Variants in H2AZ2 observed in about 807,000 individuals in gnomAD.
The protein encoded by H2AZ2 is histone H2A.V.
A neutral mutation model predicts 15.5 loss-of-function variants in H2AZ2; 5 were observed. The ratio of observed to expected loss-of-function variants is 0.32; its 90% CI spans 0.17 to 0.68. H2AZ2 has a LOEUF of 0.68. Among genes scored for constraint, H2AZ2 ranks in the 30% least tolerant of loss-of-function variants. The pLI is 0.72. For missense variants in H2AZ2, 42 were observed against 162.5 expected (o/e 0.26, Z 4.03); for synonymous variants, 44 against 57.4 (o/e 0.77, Z 1.05).
chr7:44,846,738 T>C (rs1379776386), intron 1 of H2AZ2, among the ~76,000 whole-genome samples: 1 of 151,360 alleles, frequency 6.6e-6, no homozygotes, highest in Non-Finnish European at 1.5e-5. Flanking sequence ...ATGTAAGCTG[T>C]ACCTCAGTTT....
At chr7:44,838,209 G>A (rs182388851) in intron 3 of H2AZ2, among the ~76,000 whole-genome samples, 2,396 of 151,634 alleles carry the variant, frequency 0.016, 68 homozygotes, top group African/African-American at 0.055. Flanking sequence ...TCTTGACCTC[G>A]TGATCTGCCC....
At chr7:44,828,984 T>C (rs1792964117), downstream of H2AZ2, 1 of 152,256 alleles carries the variant, frequency 6.6e-6, no homozygotes, top group African/African-American at 2.4e-5. Context: ...TAAGGGTTCA[T>C]GTAATTACAC....
intron 1 of H2AZ2, 97 bp from the exon 2 acceptor site, chr7:44,843,451 A>G (rs543102444): frequency 1.5e-4 from 115 of 755,220 alleles, no homozygotes; most frequent in Middle Eastern, 1.3e-3. Flanking sequence ...TACTTTAGGT[A>G]GTTAACAATA....
chr7:44,839,871 C>T (rs1412201019), intron 3 of H2AZ2, among the ~76,000 whole-genome samples: 5 of 151,086 alleles, frequency 3.3e-5, no homozygotes, highest in South Asian at 2.1e-4. Flanking sequence ...GGTGTAGTGG[C>T]GGGTGCCTGT....
intron 3 of H2AZ2, 23 bp from the exon 4 acceptor site, chr7:44,835,681 A>G: frequency 6.4e-7 from 1 of 1,554,392 alleles, no homozygotes; most frequent in Non-Finnish European, 8.7e-7. Context: ...CATGATTAGC[A>G]TATCAAATGA....
intron 3 of H2AZ2, among the ~76,000 whole-genome samples, chr7:44,837,418 C>CAAAAAAAA (rs1365895034): frequency 2.6e-5 from 1 of 38,514 alleles, no homozygotes; most frequent in Non-Finnish European, 4.4e-5. Context: ...GCAAGACTCT[C>CAAAAAAAA]AAAAAAAAAA....
intron 1 of H2AZ2, among the ~76,000 whole-genome samples, chr7:44,846,096 T>C (rs1793399812): frequency 1.4e-5 from 2 of 140,156 alleles, no homozygotes; most frequent in African/African-American, 5.1e-5. Context: ...GAGGAGGAAG[T>C]AGGAGTTCGT....
downstream of H2AZ2, among the ~76,000 whole-genome samples, chr7:44,830,655 T>A (rs969289223): frequency 3.9e-5 from 6 of 152,234 alleles, no homozygotes; most frequent in Admixed American, 2.6e-4. Context: ...GATCTGACAA[T>A]TTTTTAGGTG....
At chr7:44,830,314 C>A (rs1388962859), downstream of H2AZ2, 10 of 728,114 alleles carry the variant, frequency 1.4e-5, no homozygotes, top group Admixed American at 3.3e-4. Flanking sequence ...TGGATAACTA[C>A]TGGAACTTTT....
chr7:44,843,362 CAAA>C lies in H2AZ2; in HGVS notation c.4-11_4-9del, dbSNP rs747277930. On this transcript the variant is annotated splice_polypyrimidine_tract_variant and intron_variant, in intron 1 of 4. Coordinates refer to ENST00000308153, the MANE Select transcript of H2AZ2 (RefSeq NM_012412.5). ...TCCAGCTTTGCCTCCAGCCTAAATG[CAAA>C]AAAAAATTTTTTTGAATGAAAAGAG... is the stretch of plus-strand genomic sequence containing the variant. 11 of 1,587,640 alleles carry C rather than the reference CAAA, an allele frequency of 6.9e-6. No individual in the cohort carries two copies. Among genetic ancestry groups the C allele is most frequent in the African/African-American group, 1.4e-5 (1 of 72,934 alleles).
chr7:44,836,462 A>G (rs1793125907), intron 3 of H2AZ2, among the ~76,000 whole-genome samples: 1 of 152,050 alleles, frequency 6.6e-6, no homozygotes, highest in African/African-American at 2.4e-5. Flanking sequence ...CAGCCTCTCA[A>G]AGTGCTGGGA....
intron 3 of H2AZ2, among the ~76,000 whole-genome samples, chr7:44,838,909 T>C (rs1012955351): frequency 1.3e-5 from 2 of 152,200 alleles, no homozygotes; most frequent in African/African-American, 4.8e-5. Flanking sequence ...GCGTCTACAC[T>C]TGACCTACTT....
chr7:44,830,875 G>A (rs968944487), downstream of H2AZ2, among the ~76,000 whole-genome samples: 3 of 152,196 alleles, frequency 2.0e-5, no homozygotes, highest in Admixed American at 6.5e-5. Flanking sequence ...ACACAGATTA[G>A]CTGGGCATGG....
At chr7:44,831,125 C>G (rs1402309321), downstream of H2AZ2, among the ~76,000 whole-genome samples, 6 of 152,106 alleles carry the variant, frequency 3.9e-5, no homozygotes, top group Non-Finnish European at 7.3e-5. Context: ...TGAGATTGTG[C>G]CACTGCATGC....
At chr7:44,839,687 A>T (rs934494719) in intron 3 of H2AZ2, among the ~76,000 whole-genome samples, 20 of 151,536 alleles carry the variant, frequency 1.3e-4, no homozygotes, top group African/African-American at 2.7e-4. Flanking sequence ...GTCTCAAAAA[A>T]AAATAAATAA....
In H2AZ2 at chr7:44,834,073, C is replaced by T. The variant is rs2117023395; in HGVS notation, c.*428G>A. ...AAATGGTGCTACAGATCAATAGCAT[C>T]TAAGAGTCAATATACCATGGTATCA... On this transcript the variant is annotated 3_prime_UTR_variant, in exon 5 of 5. Coordinates refer to ENST00000308153, the MANE Select transcript of H2AZ2 (RefSeq NM_012412.5). 1 of 785,734 alleles carries T rather than the reference C, an allele frequency of 1.3e-6. No homozygotes were observed. Among genetic ancestry groups the T allele is most frequent in the African/African-American group, 1.9e-5 (1 of 53,190 alleles). The allele number at this position is 785,734 out of a possible 1,614,324, so 48.7% of individuals were successfully genotyped here. A position where few individuals can be genotyped will look rare whatever the true frequency, so the allele number is the denominator to read the frequency against.
At position 44,832,509 on chromosome 7, in the gene H2AZ2, A is replaced by G. The variant is rs750008318; in HGVS notation, c.*1992T>C. 3.3e-5 allele frequency among the ~76,000 whole-genome samples: 5 copies of G among 152,162 alleles called. No individual in the cohort carries two copies. The highest frequency in any genetic ancestry group is 4.4e-5 in the Non-Finnish European group (3 of 68,036). On this transcript the variant is annotated 3_prime_UTR_variant, in exon 5 of 5. Coordinates refer to ENST00000308153, the MANE Select transcript of H2AZ2 (RefSeq NM_012412.5). ...TGCTATTCTTTTTGTGCATTTGTGA[A>G]AATTTCCATAATAAAATGTTTTTAA...
At chr7:44,830,047 C>T, downstream of H2AZ2, 1 of 1,136,514 alleles carries the variant, frequency 8.8e-7, no homozygotes, top group African/African-American at 1.6e-5. Context: ...CACATTCGGG[C>T]AGTTCCTTGG....
At chr7:44,843,219 G>A in intron 2 of H2AZ2, 58 bp downstream of exon 2, 1 of 834,204 alleles carries the variant, frequency 1.2e-6, no homozygotes, top group Non-Finnish European at 1.7e-6. Context: ...ATGAAACATA[G>A]GTCATAAATT....
Sources: gnomAD v4.1 joint callset for allele counts (sites outside exome capture counted in the v4.1 genomes callset) on GRCh38, gnomAD v4.1.1 for gene constraint, MANE v1.5 for transcripts, NCBI Gene and HGNC (gene_info 2026-07-23, HGNC 2026-07-21) for gene names.